TSPEAR: variants seen among roughly 807,000 people sequenced by gnomAD.
The protein encoded by TSPEAR is thrombospondin type laminin G domain and EAR repeats, also known as thrombospondin-type laminin G domain and EAR repeat-containing protein.
TSPEAR carries 69 observed loss-of-function variants against 71.6 expected under a neutral mutation model. The ratio of observed to expected loss-of-function variants is 0.96; its 90% CI spans 0.79 to 1.18. The LOEUF is 1.18. TSPEAR is among the 50% of genes most tolerant of loss of function. TSPEAR has a pLI of 0.00. For synonymous variants in TSPEAR, 402 were observed against 387.2 expected, an observed-to-expected ratio of 1.04 and a Z score of -0.45; for missense variants, 971 against 894.9, an observed-to-expected ratio of 1.09 and a Z score of -1.09.
intron 1 of TSPEAR, among the ~76,000 whole-genome samples, chr21:44,609,557 A>C (rs1323727893): frequency 6.6e-6 from 1 of 152,242 alleles, no homozygotes; most frequent in African/African-American, 2.4e-5. Context: ...GGGAGCAGCC[A>C]ATAGAGACTG....
chr21:44,557,563 G>A (rs1287681061), intron 2 of TSPEAR, among the ~76,000 whole-genome samples: 1 of 152,168 alleles, frequency 6.6e-6, no homozygotes, highest in African/African-American at 2.4e-5. Context: ...CGGGCCGGGT[G>A]GGTGTGGGGG....
chr21:44,646,689 G>A (rs1888526), intron 1 of TSPEAR: 64 of 1,613,894 alleles, frequency 4.0e-5, no homozygotes, highest in African/African-American at 1.5e-4. Flanking sequence ...CCTGCACGCC[G>A]TCATGCTGCC....
In TSPEAR at chr21:44,558,334, C is replaced by T. The variant is rs782248510; in HGVS notation, c.303+9451G>A. ...CATGAAGAGGAAGCCCCAGAGCAGA[C>T]GGGCACACAGCAGATGGGCTTGCAG... is the stretch of plus-strand genomic sequence containing the variant. On this transcript the variant is annotated intron_variant, in intron 2 of 11. Coordinates refer to ENST00000323084, the MANE Select transcript of TSPEAR (RefSeq NM_144991.3). The T allele has an allele frequency of 3.3e-5, 53 of 1,613,292 alleles. No homozygotes were observed. The highest frequency in any genetic ancestry group is 1.5e-4 in the African/African-American group (11 of 74,774).
chr21:44,601,723 T>A, intron 1 of TSPEAR: 1 of 1,610,656 alleles, frequency 6.2e-7, no homozygotes, highest in Non-Finnish European at 8.5e-7. Flanking sequence ...AACCCAGAAG[T>A]CCAGCTGCTG....
At chr21:44,509,109 A>G (rs2052282299) in intron 10 of TSPEAR, 90 bp downstream of exon 10, 1 of 1,439,604 alleles carries the variant, frequency 6.9e-7, no homozygotes, top group Non-Finnish European at 9.5e-7. Flanking sequence ...TTCCACGGGA[A>G]GGGTGGTGAG....
chr21:44,588,230 A>G (rs9977040), intron 1 of TSPEAR, among the ~76,000 whole-genome samples: 1,640 of 152,336 alleles, frequency 0.011, 32 homozygotes, highest in African/African-American at 0.038. Flanking sequence ...TGAATGGACA[A>G]TTCTCAAAAG....
In TSPEAR at chr21:44,637,409, C is replaced by G. The variant is rs587680756; in HGVS notation, c.83-69404G>C. 3.1e-6 allele frequency: 5 copies of G among 1,596,864 alleles called. No individual in the cohort carries two copies. The South Asian group carries it at 3.5e-5, about 11-fold the overall frequency. ...CACCTCCCCCAGCTCACCGCCTCCCCACTCCAGCATGGCCGCCTCCACCAT... is the reference window on the plus strand; with the variant it reads ...CACCTCCCCCAGCTCACCGCCTCCCGACTCCAGCATGGCCGCCTCCACCAT... On this transcript the variant is annotated intron_variant, in intron 1 of 11. Transcript: ENST00000323084.
intron 1 of TSPEAR, chr21:44,579,667 G>A (rs1444175673): frequency 1.9e-5 from 29 of 1,497,150 alleles, no homozygotes; most frequent in Admixed American, 1.0e-4. Flanking sequence ...TGGGGGCCCC[G>A]TCCCAAGCGG....
At chr21:44,518,990 A>G (rs1056008706) in intron 9 of TSPEAR, 22 of 181,990 alleles carry the variant, frequency 1.2e-4, no homozygotes, top group Admixed American at 2.9e-4. Flanking sequence ...TCCCCAAGCC[A>G]CCCTTTCGTT....
At chr21:44,511,420 A>C (rs782500499) in intron 9 of TSPEAR, among the ~76,000 whole-genome samples, 1 of 152,218 alleles carries the variant, frequency 6.6e-6, no homozygotes, top group Non-Finnish European at 1.5e-5. Flanking sequence ...ATGCCTGTAC[A>C]CATGTGGATA....
chr21:44,539,159 GGA>G, intron 2 of TSPEAR: 1 of 1,384,904 alleles, frequency 7.2e-7, no homozygotes, highest in Non-Finnish European at 9.5e-7. Context: ...CTGGGAGCAA[GGA>G]GGGGGGGTCA....
At chr21:44,511,866 G>A (rs1445218204) in intron 9 of TSPEAR, among the ~76,000 whole-genome samples, 1 of 152,266 alleles carries the variant, frequency 6.6e-6, no homozygotes, top group Non-Finnish European at 1.5e-5. Flanking sequence ...TCAGCACTGT[G>A]TAGAGAGAGC....
chr21:44,505,227 C>T (rs988409209), intron 10 of TSPEAR, among the ~76,000 whole-genome samples: 34 of 151,958 alleles, frequency 2.2e-4, no homozygotes, highest in Middle Eastern at 3.4e-3. Context: ...TACAAGTGTG[C>T]GGCACCACGC....
At chr21:44,572,087 C>T (rs1160727455) in intron 1 of TSPEAR, among the ~76,000 whole-genome samples, 26 of 152,360 alleles carry the variant, frequency 1.7e-4, no homozygotes, top group South Asian at 1.0e-3. Context: ...CCATGCCCCA[C>T]GCACACTGCT....
chr21:44,614,343 A>C (rs1305298536), intron 1 of TSPEAR, among the ~76,000 whole-genome samples: 1 of 152,264 alleles, frequency 6.6e-6, no homozygotes, highest in African/African-American at 2.4e-5. Context: ...CAGCGCCCAG[A>C]GACACGACCA....
At chr21:44,669,606 ACTGAG>A (rs1985959601) in intron 1 of TSPEAR, among the ~76,000 whole-genome samples, 3 of 152,030 alleles carry the variant, frequency 2.0e-5, no homozygotes, top group African/African-American at 7.3e-5. Context: ...TGGAGCCTGG[ACTGAG>A]GCTGCCAGGC....
At chr21:44,647,416 C>T in intron 1 of TSPEAR, 7 of 1,567,332 alleles carry the variant, frequency 4.5e-6, no homozygotes, top group Middle Eastern at 1.7e-4. Flanking sequence ...TCTCCAGTCT[C>T]AGGAGCCCCT....
At chr21:44,652,052 C>T (rs587621137) in intron 1 of TSPEAR, among the ~76,000 whole-genome samples, 6 of 147,146 alleles carry the variant, frequency 4.1e-5, no homozygotes, top group Admixed American at 2.1e-4. Context: ...GGCGCGATCT[C>T]GGCTCACTGC....
intron 8 of TSPEAR, 62 bp from the exon 9 acceptor site, chr21:44,522,174 G>A (rs901439518): frequency 5.6e-5 from 84 of 1,511,120 alleles, no homozygotes; most frequent in Non-Finnish European, 7.1e-5. Flanking sequence ...TGGCAGCCCC[G>A]ACGGAGGCAG....
Sources: allele counts gnomAD v4.1 joint callset (sites outside exome capture counted in the v4.1 genomes callset), GRCh38; gene constraint gnomAD v4.1.1; transcripts MANE v1.5; gene names NCBI Gene and HGNC (gene_info 2026-07-23, HGNC 2026-07-21).